Variants in TTC28 observed in about 807,000 individuals in gnomAD.
TTC28 encodes the protein tetratricopeptide repeat domain 28, also known as tetratricopeptide repeat protein 28.
TTC28 carries 61 observed loss-of-function variants against 198.0 expected under a neutral mutation model. That is an observed-to-expected ratio of 0.31 (90% CI 0.25 to 0.38). The LOEUF (loss-of-function observed/expected upper bound fraction) is 0.38. Ranked by LOEUF, TTC28 falls within the 10% of genes least tolerant of loss-of-function variation. TTC28 has a pLI of 1.00. For synonymous variants in TTC28, 1,171 were observed against 1,297.8 expected, an observed-to-expected ratio of 0.90 and a Z score of 2.10; for missense variants, 2,678 against 3,164.0, an observed-to-expected ratio of 0.85 and a Z score of 3.69.
chr22:28,538,141 G>A (rs1188024955), intron 2 of TTC28, among the ~76,000 whole-genome samples: 2 of 152,184 alleles, frequency 1.3e-5, no homozygotes, highest in African/African-American at 2.4e-5. Context: ...CTAGAGTACA[G>A]TGGCATGATC....
At chr22:28,622,423 CT>C (rs1569065951) in intron 2 of TTC28, among the ~76,000 whole-genome samples, 1 of 151,068 alleles carries the variant, frequency 6.6e-6, no homozygotes, top group Non-Finnish European at 1.5e-5. Context: ...GTTTGCAGTT[CT>C]AGTCTAACCA....
rs1921488535 is a variant in TTC28, at chr22:28,163,515, A to G, written c.1018T>C (p.Cys340Arg). 2 of 1,551,664 alleles carry G rather than the reference A, an allele frequency of 1.3e-6. No individual in the cohort carries two copies. The highest frequency in any genetic ancestry group is 1.7e-6 in the Non-Finnish European group (2 of 1,146,996). The part of the protein sequence containing the change: ...YPNALASHKQ[C>R]VLLAKQSKDE... ...TTGGATTGCTTGGCAAGAAGAACACACTGTTTGTGACTGGCCAGTGCATTG... is the reference window on the plus strand; with the variant it reads ...TTGGATTGCTTGGCAAGAAGAACACGCTGTTTGTGACTGGCCAGTGCATTG... The change falls in exon 6 of 23, where the codon TGT becomes CGT. Residue 340 changes from cysteine (C) to arginine (R), a missense_variant. Around this residue, in one of 8 missense-constraint regions of TTC28, gnomAD observed 775 missense variants for 845.9 expected, o/e 0.92. Transcript: ENST00000397906.
At chr22:28,053,383 T>C (rs1940160710) in intron 12 of TTC28, among the ~76,000 whole-genome samples, 1 of 152,236 alleles carries the variant, frequency 6.6e-6, no homozygotes, top group Non-Finnish European at 1.5e-5. Flanking sequence ...AAAAGTAGTT[T>C]CCATTCAAGA....
chr22:28,029,234 C>A, intron 13 of TTC28: 1 of 404,356 alleles, frequency 2.5e-6, no homozygotes, highest in Non-Finnish European at 5.1e-6. Flanking sequence ...CTCCTACATC[C>A]CCTGCCCTTG....
chr22:28,653,112 C>T (rs962764053), intron 1 of TTC28, among the ~76,000 whole-genome samples: 5 of 152,190 alleles, frequency 3.3e-5, no homozygotes, highest in Admixed American at 6.5e-5. Context: ...GAAGATTTCT[C>T]AGAGCTTCCC....
intron 6 of TTC28, among the ~76,000 whole-genome samples, chr22:28,131,412 A>T (rs2146963862): frequency 6.6e-6 from 1 of 152,320 alleles, no homozygotes; most frequent in East Asian, 1.9e-4. Flanking sequence ...AACAAAATAC[A>T]ATATCCAGAA....
intron 1 of TTC28, among the ~76,000 whole-genome samples, chr22:28,662,568 G>A (rs768721572): frequency 5.9e-5 from 9 of 152,196 alleles, no homozygotes; most frequent in Middle Eastern, 3.2e-3. Flanking sequence ...CTGACACAGA[G>A]TACACACAAT....
intron 2 of TTC28, among the ~76,000 whole-genome samples, chr22:28,613,786 A>C (rs541315276): frequency 6.6e-6 from 1 of 152,316 alleles, no homozygotes. Context: ...GTATTGATGG[A>C]ACATATCTCA....
At position 28,420,593 on chromosome 22, in the gene TTC28, T is replaced by G. The variant is rs567351219; in HGVS notation, c.382-113950A>C. On this transcript the variant is annotated intron_variant, in intron 2 of 22. Transcript: ENST00000397906. ...AAAAAAAAAAAAAAAAGGTGTTTTT[T>G]TTGTTGTTGTTGTTGTTGTTTTGAG... Among the ~76,000 whole-genome samples the G allele has an allele frequency of 2.8e-3, 431 of 151,908 alleles. 1 individual carries two copies. The highest frequency in any genetic ancestry group is 4.6e-3 in the Non-Finnish European group (312 of 67,954).
intron 12 of TTC28, chr22:28,056,003 C>A (rs1319118045): frequency 6.6e-6 from 1 of 152,000 alleles, no homozygotes; most frequent in Non-Finnish European, 1.5e-5. Flanking sequence ...TTCCATGACA[C>A]CCTATATTTT....
At chr22:28,525,180 C>T (rs2048982756) in intron 2 of TTC28, among the ~76,000 whole-genome samples, 1 of 152,098 alleles carries the variant, frequency 6.6e-6, no homozygotes, top group South Asian at 2.1e-4. Context: ...AAACGGGTCT[C>T]ACTCTGTCAC....
At chr22:28,138,309 G>T (rs1041006223) in intron 6 of TTC28, among the ~76,000 whole-genome samples, 1 of 152,166 alleles carries the variant, frequency 6.6e-6, no homozygotes, top group South Asian at 2.1e-4. Context: ...CTTAATAATG[G>T]GTAAAGGGAT....
chr22:28,251,944 A>G (rs1439000178), intron 5 of TTC28, among the ~76,000 whole-genome samples: 1 of 152,196 alleles, frequency 6.6e-6, no homozygotes. Context: ...TAGCTACAAG[A>G]CATTCTCCAT....
At chr22:28,445,588 A>G (rs907141630) in intron 2 of TTC28, among the ~76,000 whole-genome samples, 2 of 152,014 alleles carry the variant, frequency 1.3e-5, no homozygotes, top group Admixed American at 6.6e-5. Context: ...CCCTTTTCCT[A>G]TTCCCTTACT....
chr22:28,584,016 G>GTTTTTTTTTTTTTTTTT (rs67108156), intron 2 of TTC28, among the ~76,000 whole-genome samples: 3 of 132,986 alleles, frequency 2.3e-5, no homozygotes, highest in Non-Finnish European at 3.3e-5. Context: ...GTTTTGTTTT[G>GTTTTTTTTTTTTTTTTT]TTTTTTTTTT....
chr22:28,578,817 G>A (rs1424435578), intron 2 of TTC28, among the ~76,000 whole-genome samples: 1 of 151,976 alleles, frequency 6.6e-6, no homozygotes, highest in African/African-American at 2.4e-5. Context: ...AGCAACACGG[G>A]GCAGAACTCA....
Position 28,014,372 on chromosome 22 carries a change from C to T in TTC28, c.4094G>A (p.Ser1365Asn), listed in dbSNP as rs1228798005. 1.9e-6 allele frequency: 3 copies of T among 1,550,608 alleles called. No homozygotes were observed. The highest frequency in any genetic ancestry group is 2.6e-6 in the Non-Finnish European group (3 of 1,146,540). The change falls in exon 14 of 23, where the codon AGC becomes AAC. Residue 1365 changes from serine (S) to asparagine (N), a missense_variant. Physicochemically the swap from Ser to Asn is conservative, Grantham distance 46. Around this residue, in one of 8 missense-constraint regions of TTC28, gnomAD observed 727 missense variants for 861.9 expected, o/e 0.84. Coordinates refer to ENST00000397906, the MANE Select transcript of TTC28 (RefSeq NM_001145418.2). Reference sequence around the variant, plus strand: ...CGGTGACACAGTGTTACTGAACAGGCTCGTCATGCTCTGGCAGCTCCTGGG... The same window carrying T: ...CGGTGACACAGTGTTACTGAACAGGTTCGTCATGCTCTGGCAGCTCCTGGG... ...LFNRSCQSMT[S>N]LFSNTVSPTQ...
At chr22:28,388,359 T>C (rs147356511) in intron 2 of TTC28, among the ~76,000 whole-genome samples, 1,766 of 152,334 alleles carry the variant, frequency 0.012, 33 homozygotes, top group African/African-American at 0.04. Context: ...AACTTTAAAG[T>C]AGTTTTTTCC....
At chr22:28,434,777 T>G (rs1407782582) in intron 2 of TTC28, among the ~76,000 whole-genome samples, 2 of 152,108 alleles carry the variant, frequency 1.3e-5, no homozygotes, top group East Asian at 3.9e-4. Flanking sequence ...ATACATTGAG[T>G]TTTTGGAAGA....
Sources: allele counts gnomAD v4.1 joint callset (sites outside exome capture counted in the v4.1 genomes callset), GRCh38; gene constraint gnomAD v4.1.1; regional missense constraint gnomAD v4.1.1; transcripts MANE v1.5; gene names NCBI Gene and HGNC (gene_info 2026-07-23, HGNC 2026-07-21).